Variants in IQCN observed in about 807,000 individuals in gnomAD.
IQCN encodes the protein IQ domain-containing protein N.
IQCN carries 46 observed loss-of-function variants against 64.4 expected under a neutral mutation model. That is an observed-to-expected ratio of 0.71 (90% CI 0.56 to 0.91). The LOEUF is 0.91. Ranked by LOEUF, IQCN falls within the 40% of genes least tolerant of loss-of-function variation. The probability of loss-of-function intolerance (pLI) is 0.00; values close to 1 mark genes in which losing one functional copy is unlikely to be tolerated. For synonymous variants in IQCN, 733 were observed against 775.6 expected (o/e 0.95, Z 0.91); for missense variants, 1,753 against 1,857.4 (o/e 0.94, Z 1.03).
chr19:18,257,163 T>C lies in IQCN; in HGVS notation c.*17A>G. 1 of 1,610,632 alleles carries C rather than the reference T, an allele frequency of 6.2e-7. No individual in the cohort carries two copies. Among genetic ancestry groups the C allele is most frequent in the Non-Finnish European group, 8.5e-7 (1 of 1,179,662 alleles). The stretch of plus-strand genomic sequence containing the variant: ...TGAGTGCCTCCCACGAAGTCCCCAC[T>C]GCAGGGAGCCAGGGTCCTAGATGCC... On this transcript the variant is annotated 3_prime_UTR_variant, in exon 4 of 4. Transcript: ENST00000392413.
chr19:18,265,462 T>G lies in IQCN; in HGVS notation c.2078A>C (p.Gln693Pro). The change falls in exon 3 of 4, where the codon CAG becomes CCG. Residue 693 changes from glutamine (Q) to proline (P), a missense_variant. Coordinates refer to ENST00000392413, the MANE Select transcript of IQCN (RefSeq NM_001145304.2). The surrounding 1 kb of genome is among the most constrained non-coding windows in gnomAD (Gnocchi z 4.7). ...GGTCAGCTCAGTGGGCAGATGTCCC[T>G]GAGATGAGGCCTTGGTCAGCGGGGC... ...LAAPLTKASS[Q>P]GHLPTELTKT... 1 of 1,613,654 alleles carries G rather than the reference T, an allele frequency of 6.2e-7. No homozygotes were observed. The highest frequency in any genetic ancestry group is 1.1e-5 in the South Asian group (1 of 91,072).
At chr19:18,268,754 G>C (rs529393064) in intron 2 of IQCN, among the ~76,000 whole-genome samples, 1 of 152,014 alleles carries the variant, frequency 6.6e-6, no homozygotes, top group East Asian at 1.9e-4. Context: ...ACAAGGTCAG[G>C]AGTTTGAGAC....
rs201837174 is a variant in IQCN, at chr19:18,257,824, G to C, written c.3460C>G (p.Arg1154Gly). ...GCTCTGCAGAGGTGTGCCAGGTTCCGCCGCACACGGTAGCCGCGCCAAGTA... is the reference window on the plus strand; with the variant it reads ...GCTCTGCAGAGGTGTGCCAGGTTCCCCCGCACACGGTAGCCGCGCCAAGTA... Reference protein sequence around the residue: ...QATWRGYRVRRNLAHLCRATT... With the variant: ...QATWRGYRVRGNLAHLCRATT... The change falls in exon 4 of 4, where the codon CGG (arginine) becomes GGG (glycine). Residue 1154 changes from arginine (R) to glycine (G), a missense_variant. Arg to Gly is a moderately radical substitution (Grantham distance 125). Transcript: ENST00000392413. The C allele has an allele frequency of 8.1e-6, 13 of 1,610,998 alleles. No individual in the cohort carries two copies. In the East Asian group the frequency reaches 2.5e-4, roughly 30 times the overall value.
rs1969543983 is a variant in IQCN, at chr19:18,265,542, C to G, written c.1998G>C (p.Leu666=). 2 of 1,611,806 alleles carry G rather than the reference C, an allele frequency of 1.2e-6. No individual in the cohort carries two copies. The highest frequency in any genetic ancestry group is 2.7e-5 in the African/African-American group (2 of 74,870). ...TLPRGQLAAP[L]TNASSQRHPP... ...GATGTCTCTGGGATGAGGCATTGGT[C>G]AGTGGGGCAGCCAGCTGTCCCCGGG... is the stretch of plus-strand genomic sequence containing the variant. Residue 666 remains leucine, a synonymous_variant, in exon 3 of 4, where the codon CTG becomes CTC. Coordinates refer to ENST00000392413, the MANE Select transcript of IQCN (RefSeq NM_001145304.2). This position sits in a 1 kb window ranked among gnomAD's most constrained non-coding sequence, Gnocchi z 4.7.
rs572232343 is a variant in IQCN at position 18,265,565 on chromosome 19, G to C, written c.1975C>G (p.Arg659Gly). Residue 659 changes from arginine to glycine, a missense_variant, in exon 3 of 4, where the codon CGG becomes GGG. Coordinates refer to ENST00000392413, the MANE Select transcript of IQCN (RefSeq NM_001145304.2). This position sits in a 1 kb window ranked among gnomAD's most constrained non-coding sequence, Gnocchi z 4.7. The part of the protein sequence containing the change: ...VPVDMAVTLP[R>G]GQLAAPLTNA... ...GTCAGTGGGGCAGCCAGCTGTCCCC[G>C]GGGCAGGGTGACAGCCATGTCTACA... The C allele has an allele frequency of 6.2e-7, 1 of 1,611,524 alleles. No homozygotes were observed. Among genetic ancestry groups the C allele is most frequent in the African/African-American group, 1.3e-5 (1 of 74,860 alleles).
chr19:18,265,107 G>A lies in IQCN; in HGVS notation c.2433C>T (p.His811=), dbSNP rs751890389. The change falls in exon 3 of 4, where the codon CAC becomes CAT. Residue 811 remains histidine (H), a synonymous_variant. Transcript: ENST00000392413. This position sits in a 1 kb window ranked among gnomAD's most constrained non-coding sequence, Gnocchi z 4.7. The part of the protein sequence containing the change: ...DRQTQPQPHG[H]VPGKTTQGGP... ...CCCCCTGAGTGGTCTTCCCCGGCAC[G>A]TGTCCGTGGGGCTGTGGCTGGGTCT... 29 of 1,603,436 alleles carry A rather than the reference G, an allele frequency of 1.8e-5. No individual in the cohort carries two copies. The highest frequency in any genetic ancestry group is 6.7e-5 in the African/African-American group (5 of 75,040).
rs1969334698 is a variant in IQCN at position 18,257,783 on chromosome 19, C to T, written c.3501G>A (p.Gln1167=). The change falls in exon 4 of 4, where the codon CAG becomes CAA. Residue 1167 remains glutamine, a synonymous_variant. Coordinates refer to ENST00000392413, the MANE Select transcript of IQCN (RefSeq NM_001145304.2). ...GGGTGCTGTAGCCGCGCCAGGCAGA[C>T]TGGATGGTCGTGGTGGCTCTGCAGA... ...AHLCRATTTI[Q]SAWRGYSTRR... 6.2e-7 allele frequency: 1 copy of T among 1,611,120 alleles called. No homozygotes were observed. Among genetic ancestry groups the T allele is most frequent in the Non-Finnish European group, 8.5e-7 (1 of 1,179,290 alleles).
Position 18,257,365 on chromosome 19 carries a change from T to C in IQCN, c.3919A>G (p.Ile1307Val). Residue 1307 changes from isoleucine to valine, a missense_variant, in exon 4 of 4, where the codon ATC becomes GTC. Transcript: ENST00000392413. ...PHRQDKAATAIQSAWRGFKIR... is the reference protein window; with the variant it reads ...PHRQDKAATAVQSAWRGFKIR... ...TTAAAGCCCCTCCAGGCGGACTGGA[T>C]GGCTGTGGCCGCTTTGTCCTGGCGA... The C allele has an allele frequency of 6.2e-7, 1 of 1,612,296 alleles. No individual in the cohort carries two copies. Among genetic ancestry groups the C allele is most frequent in the Non-Finnish European group, 8.5e-7 (1 of 1,179,682 alleles).
chr19:18,257,708 C>A lies in IQCN; in HGVS notation c.3576G>T (p.Val1192=). The change falls in exon 4 of 4, where the codon GTG becomes GTT. Residue 1192 remains valine (V), a synonymous_variant. Transcript: ENST00000392413. Reference sequence around the variant, plus strand: ...TGACCCCGGCCCGGCTGCCCAGCTCCACCCACGTGACGGGGTGGAGCATCT... The same window carrying A: ...TGACCCCGGCCCGGCTGCCCAGCTCAACCCACGTGACGGGGTGGAGCATCT... ...HWQMLHPVTW[V]ELGSRAGVMS... is the part of the protein sequence containing the mutation. The A allele has an allele frequency of 6.2e-7, 1 of 1,605,964 alleles. No homozygotes were observed. The highest frequency in any genetic ancestry group is 8.5e-7 in the Non-Finnish European group (1 of 1,175,508).
At chr19:18,271,171 CA>C (rs1278569737) in intron 1 of IQCN, among the ~76,000 whole-genome samples, 16,990 of 82,344 alleles carry the variant, frequency 0.21, 1,068 homozygotes, top group African/African-American at 0.28. Flanking sequence ...GACTCTGTCT[CA>C]AAAAAAAAAA....
intron 1 of IQCN, 70 bp from the exon 2 acceptor site, chr19:18,269,657 AAAAAAGCTAAATTCT>A (rs1481536349): frequency 6.3e-6 from 3 of 476,486 alleles, no homozygotes; most frequent in Non-Finnish European, 7.3e-6. Context: ...TCTAAATTCT[AAAAAAGCTAAATTCT>A]AAAAAAAAAA....
chr19:18,263,832 G>A (rs1035342768), intron 3 of IQCN, among the ~76,000 whole-genome samples: 15 of 152,138 alleles, frequency 9.9e-5, no homozygotes, highest in African/African-American at 3.6e-4. Flanking sequence ...AAGCCTACCC[G>A]AGGCCACCCT....
In IQCN at chr19:18,257,260, A is replaced by C; in HGVS notation, c.4024T>G (p.Cys1342Gly). Residue 1342 changes from cysteine (C) to glycine (G), a missense_variant, in exon 4 of 4, where the codon TGT (cysteine) becomes GGT (glycine). Transcript: ENST00000392413. The part of the protein sequence containing the change: ...ATWRGHHTRS[C>G]LKNTEALLGP... ...AAGAGCGCCTCTGTGTTCTTCAGAC[A>C]GCTCCGGGTATGGTGGCCTCGCCAG... The C allele has an allele frequency of 6.2e-7, 1 of 1,613,764 alleles. No individual in the cohort carries two copies. Among genetic ancestry groups the C allele is most frequent in the Non-Finnish European group, 8.5e-7 (1 of 1,180,024 alleles).
chr19:18,271,789 G>A (rs957996220), intron 1 of IQCN, among the ~76,000 whole-genome samples: 6 of 152,144 alleles, frequency 3.9e-5, no homozygotes, highest in Admixed American at 3.9e-4. Flanking sequence ...TGGGGGCTCT[G>A]TTCGTTTATT....
intron 1 of IQCN, among the ~76,000 whole-genome samples, chr19:18,272,271 G>C (rs1969749481): frequency 1.3e-5 from 2 of 151,852 alleles, no homozygotes; most frequent in Non-Finnish European, 2.9e-5. Context: ...GGGATTACAG[G>C]CACCTGCCAC....
chr19:18,267,634 G>T, intron 2 of IQCN, 108 bp from the exon 3 acceptor site: 1 of 1,360,292 alleles, frequency 7.4e-7, no homozygotes, highest in South Asian at 1.7e-5. Context: ...TTCCTGGCAC[G>T]TTGCGATCTT....
rs1969683080 is a variant in IQCN at position 18,269,368 on chromosome 19, C to T, written c.13+98G>A. The T allele has an allele frequency of 2.4e-6, 3 of 1,266,548 alleles. No homozygotes were observed. In the African/African-American group the frequency reaches 4.5e-5, roughly 19 times the overall value. The allele number at this position is 1,266,548 out of a possible 1,614,324, so 78.5% of individuals were successfully genotyped here. A position where few individuals can be genotyped will look rare whatever the true frequency, so the allele number is the denominator to read the frequency against. ...GAGAGCTGGGACACTGTCAAGCCAC[C>T]CTGATGCATAGCCTGGAGCACAGCA... On this transcript the variant is annotated intron_variant, in intron 2 of 3. Transcript: ENST00000392413.
chr19:18,263,348 G>A (rs566944028), intron 3 of IQCN, among the ~76,000 whole-genome samples: 3 of 152,332 alleles, frequency 2.0e-5, no homozygotes, highest in Admixed American at 1.3e-4. Context: ...CCAGGTCACC[G>A]TCTCGATCCT....
At chr19:18,271,171 C>CAAAAAAA (rs1278569737) in intron 1 of IQCN, among the ~76,000 whole-genome samples, 9 of 82,414 alleles carry the variant, frequency 1.1e-4, no homozygotes, top group African/African-American at 4.0e-4. Flanking sequence ...GACTCTGTCT[C>CAAAAAAA]AAAAAAAAAA....
Sources: allele counts gnomAD v4.1 joint callset (sites outside exome capture counted in the v4.1 genomes callset), GRCh38; gene constraint gnomAD v4.1.1; non-coding constraint Gnocchi (gnomAD v3.1); transcripts MANE v1.5; gene names NCBI Gene and HGNC (gene_info 2026-07-23, HGNC 2026-07-21).